MACROD2: variants seen among roughly 807,000 people sequenced by gnomAD.
MACROD2 encodes mono-ADP ribosylhydrolase 2.
Under a neutral mutation model 70.4 loss-of-function variants are expected in MACROD2, and 36 were observed. That is an observed-to-expected ratio of 0.51 (90% confidence interval 0.39 to 0.68). The LOEUF (loss-of-function observed/expected upper bound fraction) is 0.68. MACROD2 is among the 30% of genes least tolerant of loss of function. The probability of loss-of-function intolerance (pLI) is 0.00; values close to 1 mark genes in which losing one functional copy is unlikely to be tolerated. For synonymous variants in MACROD2, 172 were observed against 178.8 expected, an observed-to-expected ratio of 0.96 and a Z score of 0.30; for missense variants, 496 against 538.4, an observed-to-expected ratio of 0.92 and a Z score of 0.78.
At chr20:15,716,585 C>T (rs534521822) in intron 8 of MACROD2, among the ~76,000 whole-genome samples, 1 of 152,288 alleles carries the variant, frequency 6.6e-6, no homozygotes, top group East Asian at 1.9e-4. Context: ...TTATACTTTA[C>T]CCCCAATTCT....
At chr20:14,958,387 G>A (rs76657871) in intron 5 of MACROD2, among the ~76,000 whole-genome samples, 4,641 of 152,190 alleles carry the variant, frequency 0.03, 114 homozygotes, top group African/African-American at 0.057. Context: ...TTTCCTTTCC[G>A]TTCAGATTTC....
At chr20:15,457,949 GAAAAA>G (rs552514425) in intron 7 of MACROD2, among the ~76,000 whole-genome samples, 1 of 108,998 alleles carries the variant, frequency 9.2e-6, no homozygotes, top group African/African-American at 3.6e-5. Context: ...CACCTTAAAT[GAAAAA>G]AAAAAAAAGA....
chr20:14,619,427 A>AAGGGAGGGAGGG (rs1491359328), intron 4 of MACROD2, among the ~76,000 whole-genome samples: 3 of 3,598 alleles, frequency 8.3e-4, no homozygotes, highest in East Asian at 6.3e-3. Flanking sequence ...GGAGGGAAGG[A>AAGGGAGGGAGGG]AGGAAGGGAG....
intron 6 of MACROD2, among the ~76,000 whole-genome samples, chr20:15,370,085 A>T (rs1226415766): frequency 6.6e-6 from 1 of 152,108 alleles, no homozygotes; most frequent in African/African-American, 2.4e-5. Context: ...AACTTAGATG[A>T]CTGACTGTGG....
At chr20:15,481,967 TG>T (rs1568839001) in intron 7 of MACROD2, among the ~76,000 whole-genome samples, 1 of 152,108 alleles carries the variant, frequency 6.6e-6, no homozygotes, top group Non-Finnish European at 1.5e-5. Context: ...AGAACAGCAT[TG>T]GGGGGTTTGT....
chr20:14,068,901 T>A (rs2053803800), intron 2 of MACROD2, among the ~76,000 whole-genome samples: 1 of 152,130 alleles, frequency 6.6e-6, no homozygotes, highest in Non-Finnish European at 1.5e-5. Context: ...AAAGATAAAT[T>A]TTTTAACTTG....
At chr20:14,867,159 C>G (rs2073437029) in intron 5 of MACROD2, among the ~76,000 whole-genome samples, 1 of 152,072 alleles carries the variant, frequency 6.6e-6, no homozygotes, top group South Asian at 2.1e-4. Flanking sequence ...TACTGAGTTC[C>G]TGGAGAAACC....
At chr20:14,967,672 T>C (rs952244053) in intron 5 of MACROD2, among the ~76,000 whole-genome samples, 1 of 152,214 alleles carries the variant, frequency 6.6e-6, no homozygotes. Context: ...TTAAGTAAAC[T>C]TGCCTATTCC....
At chr20:14,511,416 G>A (rs1330301402) in intron 4 of MACROD2, among the ~76,000 whole-genome samples, 1 of 151,788 alleles carries the variant, frequency 6.6e-6, no homozygotes, top group Non-Finnish European at 1.5e-5. Flanking sequence ...GTACCCACAA[G>A]CATTAAACAT....
At chr20:15,830,747 G>A (rs569932861) in intron 8 of MACROD2, among the ~76,000 whole-genome samples, 105 of 152,190 alleles carry the variant, frequency 6.9e-4, no homozygotes, top group African/African-American at 2.4e-3. Flanking sequence ...TTCAACTTAA[G>A]TCATATTATG....
intron 3 of MACROD2, among the ~76,000 whole-genome samples, chr20:14,176,515 T>G (rs2081264634): frequency 1.3e-5 from 2 of 152,314 alleles, no homozygotes; most frequent in South Asian, 4.1e-4. Context: ...TTCACCATTG[T>G]AATATCAAAT....
chr20:14,918,182 C>T (rs966790478), intron 5 of MACROD2, among the ~76,000 whole-genome samples: 6 of 152,064 alleles, frequency 3.9e-5, no homozygotes, highest in Non-Finnish European at 8.8e-5. Context: ...TGCTATGTTG[C>T]CCAGGCTGGT....
At chr20:14,697,101 C>T (rs987049344) in intron 5 of MACROD2, among the ~76,000 whole-genome samples, 7 of 152,070 alleles carry the variant, frequency 4.6e-5, no homozygotes, top group Admixed American at 6.6e-5. Context: ...AGTGGCTTGA[C>T]GGAACTGGGA....
At chr20:15,519,056 T>TTCCC (rs1191884002) in intron 8 of MACROD2, among the ~76,000 whole-genome samples, 1 of 14,798 alleles carries the variant, frequency 6.8e-5, no homozygotes, top group East Asian at 2.3e-3. Context: ...AACTCGCTCT[T>TTCCC]TCCTTCCTTC....
At chr20:14,059,219 T>A (rs1325837961) in intron 2 of MACROD2, among the ~76,000 whole-genome samples, 1 of 152,226 alleles carries the variant, frequency 6.6e-6, no homozygotes, top group Non-Finnish European at 1.5e-5. Context: ...TAGTTCGTGA[T>A]TCAGATTAAA....
At chr20:15,667,499 GTATCTATCTATC>G (rs76898460) in intron 8 of MACROD2, among the ~76,000 whole-genome samples, 6,035 of 150,330 alleles carry the variant, frequency 0.04, 248 homozygotes, top group East Asian at 0.2. Context: ...ATCTATCTAT[GTATCTATCTATC>G]TATCTATCTA....
intron 5 of MACROD2, among the ~76,000 whole-genome samples, chr20:14,858,310 G>C (rs951763368): frequency 2.0e-5 from 3 of 152,092 alleles, no homozygotes; most frequent in Non-Finnish European, 4.4e-5. Context: ...ACTCTGAACA[G>C]GATGAGACAA....
intron 9 of MACROD2, among the ~76,000 whole-genome samples, chr20:15,884,102 C>T (rs1423839143): frequency 6.6e-6 from 1 of 152,080 alleles, no homozygotes; most frequent in African/African-American, 2.4e-5. Context: ...ATCAAGGTAA[C>T]TTCTCCAAGA....
chr20:15,333,067 G>T (rs966904084), intron 6 of MACROD2, among the ~76,000 whole-genome samples: 2 of 151,758 alleles, frequency 1.3e-5, no homozygotes, highest in Admixed American at 1.3e-4. Flanking sequence ...TGGAAGAAAT[G>T]AAAGTAGAGT....
Sources: gnomAD v4.1 joint callset for allele counts (sites outside exome capture counted in the v4.1 genomes callset) on GRCh38, gnomAD v4.1.1 for gene constraint, MANE v1.5 for transcripts, NCBI Gene and HGNC (gene_info 2026-07-23, HGNC 2026-07-21) for gene names.